The following HOATZ variants were observed in gnomAD, a reference collection of about 807,000 sequenced individuals.
HOATZ encodes cilia- and flagella-associated protein HOATZ.
In HOATZ, 26 loss-of-function variants were observed where a neutral mutation model predicts 24.9. The ratio of observed to expected loss-of-function variants is 1.04; its 90% CI spans 0.76 to 1.45. The LOEUF (loss-of-function observed/expected upper bound fraction) is 1.45, where lower values mean the gene tolerates loss of function less well. HOATZ is among the 40% of genes most tolerant of loss of function. The pLI, the probability that HOATZ is intolerant of heterozygous loss-of-function variation, is 0.00. For synonymous variants in HOATZ, 83 were observed against 76.6 expected, an observed-to-expected ratio of 1.08 and a Z score of -0.43; for missense variants, 226 against 201.5, an observed-to-expected ratio of 1.12 and a Z score of -0.74.
intron 3 of HOATZ, among the ~76,000 whole-genome samples, chr11:111,522,647 A>G (rs1019156408): frequency 1.3e-5 from 2 of 152,006 alleles, no homozygotes; most frequent in Non-Finnish European, 2.9e-5. Flanking sequence ...TGTCTAGTTG[A>G]CTCTTCCCAA....
intron 3 of HOATZ, among the ~76,000 whole-genome samples, chr11:111,517,235 A>G (rs1867216296): frequency 6.6e-6 from 1 of 152,210 alleles, no homozygotes; most frequent in Non-Finnish European, 1.5e-5. Context: ...TATGTACTGT[A>G]TATTTATATC....
intron 3 of HOATZ, among the ~76,000 whole-genome samples, chr11:111,524,460 T>A (rs879267567): frequency 6.6e-6 from 1 of 151,994 alleles, no homozygotes; most frequent in Admixed American, 6.5e-5. Context: ...GAGTGGAAAA[T>A]AAAGCAGAAC....
In HOATZ at chr11:111,523,967, C is replaced by T. The variant is rs560952019; in HGVS notation, c.339+7857C>T. On this transcript the variant is annotated intron_variant, in intron 3 of 5. Transcript: ENST00000375618. ...ACTGTGGTGTCATTGCTCTGTTTCTCCTGTAGCTTCCAAGTTTCTTAAGGT... is the reference window on the plus strand; with the variant it reads ...ACTGTGGTGTCATTGCTCTGTTTCTTCTGTAGCTTCCAAGTTTCTTAAGGT... Among the ~76,000 whole-genome samples the T allele has an allele frequency of 2.6e-5, 4 of 152,154 alleles. No homozygotes were observed. The South Asian group carries it at 8.3e-4, about 31-fold the overall frequency.
intron 1 of HOATZ, 109 bp downstream of exon 1, chr11:111,515,119 T>C (rs1867167609): frequency 2.8e-6 from 2 of 717,104 alleles, no homozygotes; most frequent in Non-Finnish European, 4.7e-6. Context: ...CAAATAGTTA[T>C]AAGTACATAC....
In HOATZ at chr11:111,523,464, C is replaced by A. The variant is rs372885009; in HGVS notation, c.339+7354C>A. 8.7e-4 allele frequency among the ~76,000 whole-genome samples: 133 copies of A among 152,162 alleles called. 1 individual carries two copies. The South Asian group carries it at 0.026, about 30-fold the overall frequency. ...TGTTCTATTGATGAAGCATTATGAC[C>A]AGCGGCTGGCAGGAACCTAGGAGCA... On this transcript the variant is annotated intron_variant, in intron 3 of 5. Coordinates refer to ENST00000375618, the MANE Select transcript of HOATZ (RefSeq NM_001100388.2).
intron 3 of HOATZ, among the ~76,000 whole-genome samples, chr11:111,530,071 C>A (rs1867379427): frequency 1.3e-5 from 2 of 152,154 alleles, no homozygotes; most frequent in African/African-American, 4.8e-5. Flanking sequence ...GAAAAATTTT[C>A]TAATAATAAT....
At chr11:111,530,971 T>C (rs951832559) in intron 3 of HOATZ, among the ~76,000 whole-genome samples, 1 of 152,168 alleles carries the variant, frequency 6.6e-6, no homozygotes, top group Non-Finnish European at 1.5e-5. Context: ...TTATGTGATA[T>C]GTGATATTTA....
Position 111,517,242 on chromosome 11 carries a change from T to C in HOATZ, c.339+1132T>C, listed in dbSNP as rs1356824329. 2.6e-5 allele frequency among the ~76,000 whole-genome samples: 4 copies of C among 152,368 alleles called. No homozygotes were observed. In the East Asian group the frequency reaches 7.7e-4, roughly 29 times the overall value. On this transcript the variant is annotated intron_variant, in intron 3 of 5. Coordinates refer to ENST00000375618, the MANE Select transcript of HOATZ (RefSeq NM_001100388.2). ...TAGAATATTATGTACTGTATATTTA[T>C]ATCCAGACTTTTTAGGGAGGGGGAA...
intron 3 of HOATZ, among the ~76,000 whole-genome samples, chr11:111,517,068 C>G (rs1267028917): frequency 2.6e-5 from 4 of 152,194 alleles, no homozygotes; most frequent in Non-Finnish European, 4.4e-5. Context: ...GACATATTGG[C>G]AAACTCTGAC....
At chr11:111,515,090 G>T (rs1004175591) in intron 1 of HOATZ, 80 bp downstream of exon 1, 32 of 937,606 alleles carry the variant, frequency 3.4e-5, no homozygotes, top group Non-Finnish European at 5.4e-5. Flanking sequence ...CTTTCCAGGA[G>T]AAACTGCAAT....
At chr11:111,518,018 A>G (rs1436367771) in intron 3 of HOATZ, among the ~76,000 whole-genome samples, 1 of 151,996 alleles carries the variant, frequency 6.6e-6, no homozygotes, top group African/African-American at 2.4e-5. Flanking sequence ...TCTCTCCCCA[A>G]CTCTGTATAG....
chr11:111,515,504 T>C lies in HOATZ; in HGVS notation c.227-7T>C, dbSNP rs769197034. ...TGATTTCTTTACTTCCCTTTTGTAT[T>C]TTTTAGAAAACAGCCACTCCTCGCA... On this transcript the variant is annotated splice_polypyrimidine_tract_variant and splice_region_variant and intron_variant, in intron 1 of 5. Coordinates refer to ENST00000375618, the MANE Select transcript of HOATZ (RefSeq NM_001100388.2). 1 of 1,612,772 alleles carries C rather than the reference T, an allele frequency of 6.2e-7. No homozygotes were observed. Among genetic ancestry groups the C allele is most frequent in the Non-Finnish European group, 8.5e-7 (1 of 1,178,792 alleles).
At chr11:111,525,433 G>A (rs983901561) in intron 3 of HOATZ, among the ~76,000 whole-genome samples, 2 of 152,198 alleles carry the variant, frequency 1.3e-5, no homozygotes, top group Non-Finnish European at 2.9e-5. Flanking sequence ...TATAAGTATA[G>A]ACATTAGTCT....
chr11:111,515,225 T>A, intron 1 of HOATZ: 2 of 600,820 alleles, frequency 3.3e-6, no homozygotes, highest in Non-Finnish European at 5.9e-6. Context: ...CATATAAGTT[T>A]CCCTTAAATT....
intron 3 of HOATZ, among the ~76,000 whole-genome samples, chr11:111,529,948 C>G: frequency 6.6e-6 from 1 of 152,188 alleles, no homozygotes; most frequent in African/African-American, 2.4e-5. Context: ...TATTCACCAA[C>G]TGACCCATAG....
Position 111,514,947 on chromosome 11 carries a change from G to A in HOATZ, c.163G>A (p.Val55Met), listed in dbSNP as rs376121598. The stretch of plus-strand genomic sequence containing the variant: ...GTATCCCCCTAGCGAATCTCAGCTG[G>A]TGCTGCGCAGAGACAGCAGTCAGCG... ...SMYPPSESQL[V>M]LRRDSSQRLP... The change falls in exon 1 of 6, where the codon GTG (valine) becomes ATG (methionine). Residue 55 changes from valine to methionine, a missense_variant. By Grantham distance (21) the Val-to-Met change is conservative. Transcript: ENST00000375618. The A allele has an allele frequency of 6.2e-7, 1 of 1,613,976 alleles. No homozygotes were observed. Among genetic ancestry groups the A allele is most frequent in the Non-Finnish European group, 8.5e-7 (1 of 1,180,040 alleles).
chr11:111,517,696 A>G (rs1479102884), intron 3 of HOATZ, among the ~76,000 whole-genome samples: 1 of 152,226 alleles, frequency 6.6e-6, no homozygotes, highest in Non-Finnish European at 1.5e-5. Context: ...AGATATATGC[A>G]CATAATACTA....
rs751759838 is a variant in HOATZ at position 111,514,849 on chromosome 11, G to T, written c.65G>T (p.Gly22Val). ...RKESQEMCPP[G>V]LLVFAGSSEQ... ...GAGTCCCAGGAAATGTGCCCCCCGG[G>T]ATTACTGGTATTTGCTGGCTCCTCG... Residue 22 changes from glycine (G) to valine (V), a missense_variant, in exon 1 of 6, where the codon GGA becomes GTA. Physicochemically the swap from Gly to Val is moderately radical, Grantham distance 109. Coordinates refer to ENST00000375618, the MANE Select transcript of HOATZ (RefSeq NM_001100388.2). The T allele has an allele frequency of 5.6e-6, 9 of 1,614,034 alleles. No individual in the cohort carries two copies. The Admixed American group carries it at 1.5e-4, about 27-fold the overall frequency.
At chr11:111,518,659 G>A (rs1041937101) in intron 3 of HOATZ, among the ~76,000 whole-genome samples, 3 of 152,218 alleles carry the variant, frequency 2.0e-5, no homozygotes, top group African/African-American at 7.2e-5. Flanking sequence ...CATAATGATT[G>A]CTGACTATGG....
Sources: gnomAD v4.1 joint callset for allele counts (sites outside exome capture counted in the v4.1 genomes callset) on GRCh38, gnomAD v4.1.1 for gene constraint, MANE v1.5 for transcripts, NCBI Gene and HGNC (gene_info 2026-07-23, HGNC 2026-07-21) for gene names.